Variants in MUCL3 observed in about 807,000 individuals in gnomAD.
The protein encoded by MUCL3 is mucin-like protein 3.
Under a neutral mutation model 70.2 loss-of-function variants are expected in MUCL3, and 42 were observed. That is an observed-to-expected ratio of 0.60 (90% CI 0.47 to 0.77). The LOEUF (loss-of-function observed/expected upper bound fraction) is 0.77, where lower values mean the gene tolerates loss of function less well. Ranked by LOEUF, MUCL3 falls within the 30% of genes least tolerant of loss-of-function variation. The pLI, the probability that MUCL3 is intolerant of heterozygous loss-of-function variation, is 0.00. For synonymous variants in MUCL3, 522 were observed against 647.0 expected, an observed-to-expected ratio of 0.81 and a Z score of 2.93; for missense variants, 1,429 against 1,670.0, an observed-to-expected ratio of 0.86 and a Z score of 2.52.
Position 30,940,986 on chromosome 6 carries a change from C to T in MUCL3, c.-14C>T. 6.5e-7 allele frequency: 1 copy of T among 1,548,234 alleles called. No individual in the cohort carries two copies. The highest frequency in any genetic ancestry group is 8.7e-7 in the Non-Finnish European group (1 of 1,146,960). ...CCGCAGCCCATGGTCCCCAAGCAGC[C>T]ACCCAGCTCCGACATGGCCCAGCCG... is the stretch of plus-strand genomic sequence containing the variant. On this transcript the variant is annotated 5_prime_UTR_variant, in exon 1 of 3. Coordinates refer to ENST00000462446, the MANE Select transcript of MUCL3 (RefSeq NM_080870.4). The surrounding 1 kb of genome is among the most constrained non-coding windows in gnomAD (Gnocchi z 4.4).
At chr6:30,952,878 G>T in intron 2 of MUCL3, 93 bp from the exon 3 acceptor site, 1 of 1,490,240 alleles carries the variant, frequency 6.7e-7, no homozygotes. Context: ...AGGTTTGGAT[G>T]GAATCTTGAG....
intron 1 of MUCL3, among the ~76,000 whole-genome samples, chr6:30,942,145 A>G (rs137993870): frequency 6.6e-6 from 1 of 152,342 alleles, no homozygotes; most frequent in East Asian, 1.9e-4. Context: ...GACTCAGAAA[A>G]GTGTGCGTCA....
rs756856357 is a variant in MUCL3, at chr6:30,952,048, T to C, written c.3584T>C (p.Ile1195Thr). 3.1e-6 allele frequency: 5 copies of C among 1,604,840 alleles called. No homozygotes were observed. Among genetic ancestry groups the C allele is most frequent in the African/African-American group, 2.8e-5 (2 of 71,966 alleles). Residue 1195 changes from isoleucine to threonine, a missense_variant, in exon 2 of 3, where the codon ATA becomes ACA. Coordinates refer to ENST00000462446, the MANE Select transcript of MUCL3 (RefSeq NM_080870.4). The stretch of plus-strand genomic sequence containing the variant: ...CCTACGCTATACTCAGAGAAGACCA[T>C]ATGCACCAAAGGGAAAAACACACCA... ...EKPTLYSEKTICTKGKNTPVP... is the reference protein window; with the variant it reads ...EKPTLYSEKTTCTKGKNTPVP...
rs1171250637 is a variant in MUCL3, at chr6:30,951,413, T to C, written c.2949T>C (p.Asn983=). The C allele has an allele frequency of 1.3e-6, 2 of 1,536,690 alleles. No homozygotes were observed. Among genetic ancestry groups the C allele is most frequent in the African/African-American group, 1.5e-5 (1 of 66,934 alleles). ...CATCCTCAGCAGAGCCTACAGAAAATGGAGAAAGGACCCCACTGGCCAATG... is the reference window on the plus strand; with the variant it reads ...CATCCTCAGCAGAGCCTACAGAAAACGGAGAAAGGACCCCACTGGCCAATG... ...TTPSSAEPTE[N]GERTPLANEN... is the part of the protein sequence containing the mutation. Residue 983 remains asparagine (N), a synonymous_variant, in exon 2 of 3, where the codon AAT becomes AAC. Transcript: ENST00000462446.
rs904650082 is a variant in MUCL3 at position 30,950,846 on chromosome 6, C to A, written c.2382C>A (p.Thr794=). 6.5e-7 allele frequency: 1 copy of A among 1,549,294 alleles called. No homozygotes were observed. The highest frequency in any genetic ancestry group is 1.4e-5 in the African/African-American group (1 of 71,908). ...GKRTPFANEK[T]TSSSAEPTEH... ...GGACCCCATTTGCCAATGAGAAGAC[C>A]ACATCATCCTCAGCAGAGCCTACAG... The change falls in exon 2 of 3, where the codon ACC becomes ACA. Residue 794 remains threonine (T), a synonymous_variant. Coordinates refer to ENST00000462446, the MANE Select transcript of MUCL3 (RefSeq NM_080870.4).
In MUCL3 at chr6:30,950,339, T is replaced by TA. The variant is rs1224814643; in HGVS notation, c.1876dup (p.Arg626LysfsTer7). The stretch of plus-strand genomic sequence containing the variant: ...CATCCCCGGCAGAGCCTACAGAAAA[T>TA]AGAGAAAGGACAGCCAATGAGAACA... On this transcript the variant is annotated frameshift_variant, in exon 2 of 3. Coordinates refer to ENST00000462446, the MANE Select transcript of MUCL3 (RefSeq NM_080870.4). LOFTEE classifies it high-confidence loss of function. 1 of 1,537,422 alleles carries TA rather than the reference T, an allele frequency of 6.5e-7. No individual in the cohort carries two copies. The highest frequency in any genetic ancestry group is 8.7e-7 in the Non-Finnish European group (1 of 1,144,142).
intron 1 of MUCL3, among the ~76,000 whole-genome samples, chr6:30,943,605 A>C (rs886314585): frequency 6.6e-6 from 1 of 152,248 alleles, no homozygotes; most frequent in African/African-American, 2.4e-5. Context: ...GAGGGAGCAC[A>C]GGTGCAGTCT....
rs1450384406 is a variant in MUCL3 at position 30,948,925 on chromosome 6, G to GA, written c.468dup (p.His157ThrfsTer14). The GA allele has an allele frequency of 6.3e-5, 98 of 1,549,990 alleles. No individual in the cohort carries two copies. The highest frequency in any genetic ancestry group is 7.8e-5 in the Non-Finnish European group (89 of 1,146,640). On this transcript the variant is annotated frameshift_variant, in exon 2 of 3. Coordinates refer to ENST00000462446, the MANE Select transcript of MUCL3 (RefSeq NM_080870.4). LOFTEE classifies it high-confidence loss of function. ...ACTACCACACATAAAGAATCCGCTGGAAAAAAACATATAACGCCAGCACCC... is the reference window on the plus strand; with the variant it reads ...ACTACCACACATAAAGAATCCGCTGGAAAAAAAACATATAACGCCAGCACCC...
chr6:30,943,012 C>T (rs189704737), intron 1 of MUCL3, among the ~76,000 whole-genome samples: 19 of 151,978 alleles, frequency 1.3e-4, no homozygotes, highest in Admixed American at 1.2e-3. Context: ...AGGCTGGGCT[C>T]GGGTTGTGAT....
At chr6:30,942,473 C>T (rs1478231854) in intron 1 of MUCL3, among the ~76,000 whole-genome samples, 1 of 152,148 alleles carries the variant, frequency 6.6e-6, no homozygotes, top group African/African-American at 2.4e-5. Context: ...GAGGCAGTGC[C>T]CCTTCCCTGA....
In MUCL3 at chr6:30,950,680, A is replaced by C; in HGVS notation, c.2216A>C (p.Glu739Ala). Residue 739 changes from glutamate to alanine, a missense_variant, in exon 2 of 3, where the codon GAG (glutamate) becomes GCG (alanine). Transcript: ENST00000462446. ...ANEKTTPFPAEPTENRERTAN... is the reference protein window; with the variant it reads ...ANEKTTPFPAAPTENRERTAN... ...GAGAAGACCACACCATTCCCAGCAG[A>C]GCCTACAGAAAATAGAGAAAGGACA... 2 of 1,550,394 alleles carry C rather than the reference A, an allele frequency of 1.3e-6. No homozygotes were observed. The highest frequency in any genetic ancestry group is 1.7e-6 in the Non-Finnish European group (2 of 1,146,586).
In MUCL3 at chr6:30,952,403, G is replaced by A. The variant is rs183461489; in HGVS notation, c.3939G>A (p.Gln1313=). 1.9e-6 allele frequency: 3 copies of A among 1,614,138 alleles called. No individual in the cohort carries two copies. The highest frequency in any genetic ancestry group is 2.7e-5 in the African/African-American group (2 of 75,048). The part of the protein sequence containing the change: ...DGSQKGIHAG[Q]MGENDSFPAW... ...CACAGAAAGGTATCCACGCTGGACA[G>A]ATGGGAGAGAATGATTCATTCCCTG... Residue 1313 remains glutamine (Q), a synonymous_variant, in exon 2 of 3, where the codon CAG becomes CAA. Coordinates refer to ENST00000462446, the MANE Select transcript of MUCL3 (RefSeq NM_080870.4).
At chr6:30,943,361 G>A (rs1795656052) in intron 1 of MUCL3, among the ~76,000 whole-genome samples, 1 of 152,142 alleles carries the variant, frequency 6.6e-6, no homozygotes, top group South Asian at 2.1e-4. Flanking sequence ...AGGCACAGGT[G>A]CAGTCTAGAT....
chr6:30,952,451 C>T lies in MUCL3; in HGVS notation c.3987C>T (p.Val1329=). ...CTGCATGGGCCATAGTTATTGTGGT[C>T]CTGGTGGCTGTGATTCTCCTCCTGG... The part of the protein sequence containing the change: ...SFPAWAIVIV[V]LVAVILLLVF... The change falls in exon 2 of 3, where the codon GTC becomes GTT. Residue 1329 remains valine, a synonymous_variant. Transcript: ENST00000462446. The T allele has an allele frequency of 6.2e-7, 1 of 1,611,864 alleles. No homozygotes were observed. Among genetic ancestry groups the T allele is most frequent in the South Asian group, 1.1e-5 (1 of 90,500 alleles).
chr6:30,946,068 G>A (rs1795765267), intron 1 of MUCL3: 1 of 152,350 alleles, frequency 6.6e-6, no homozygotes, highest in Admixed American at 6.5e-5. Flanking sequence ...AGTGGCCCAG[G>A]AATGCAGAGG....
intron 1 of MUCL3, among the ~76,000 whole-genome samples, 158 bp downstream of exon 1, chr6:30,941,239 A>G (rs1354478972): frequency 2.0e-5 from 3 of 152,206 alleles, no homozygotes; most frequent in Admixed American, 6.5e-5. Flanking sequence ...GCTAAGGGAC[A>G]TGTAGTAGGA....
At position 30,950,422 on chromosome 6, in the gene MUCL3, C is replaced by T. The variant is rs1380733264; in HGVS notation, c.1958C>T (p.Thr653Ile). ...ENREMTANEK[T>I]TLFPAEPTEN... is the part of the protein sequence containing the mutation. ...AGAGAAATGACAGCCAACGAGAAGA[C>T]CACACTATTCCCAGCAGAGCCTACA... Residue 653 changes from threonine to isoleucine, a missense_variant, in exon 2 of 3, where the codon ACC becomes ATC. Coordinates refer to ENST00000462446, the MANE Select transcript of MUCL3 (RefSeq NM_080870.4). 2 of 1,549,942 alleles carry T rather than the reference C, an allele frequency of 1.3e-6. No individual in the cohort carries two copies. Among genetic ancestry groups the T allele is most frequent in the African/African-American group, 2.8e-5 (2 of 72,442 alleles).
rs926354769 is a variant in MUCL3, at chr6:30,951,269, C to T, written c.2805C>T (p.Thr935=). Residue 935 remains threonine (T), a synonymous_variant, in exon 2 of 3, where the codon ACC becomes ACT. Coordinates refer to ENST00000462446, the MANE Select transcript of MUCL3 (RefSeq NM_080870.4). The part of the protein sequence containing the change: ...GERTPLANEI[T]TPSRAEPTEH... ...GGACCCCACTGGCCAATGAGATCAC[C>T]ACACCATCCCGAGCAGAGCCTACAG... The T allele has an allele frequency of 1.3e-6, 2 of 1,550,602 alleles. No individual in the cohort carries two copies. The highest frequency in any genetic ancestry group is 1.7e-6 in the Non-Finnish European group (2 of 1,146,832).
rs1760536825 is a variant in MUCL3 at position 30,949,910 on chromosome 6, T to A, written c.1446T>A (p.Asn482Lys). The A allele has an allele frequency of 3.2e-6, 5 of 1,538,608 alleles. No individual in the cohort carries two copies. The South Asian group carries it at 4.8e-5, about 15-fold the overall frequency. ...TTLSPVEPTE[N>K]RETTANEKTT... ...TATCCCCAGTAGAGCCTACAGAAAA[T>A]AGAGAAACAACAGCCAATGAGAAGA... is the stretch of plus-strand genomic sequence containing the variant. Residue 482 changes from asparagine (N) to lysine (K), a missense_variant, in exon 2 of 3, where the codon AAT (asparagine) becomes AAA (lysine). Asn to Lys is a moderately conservative substitution (Grantham distance 94). Coordinates refer to ENST00000462446, the MANE Select transcript of MUCL3 (RefSeq NM_080870.4).
Sources: gnomAD v4.1 joint callset for allele counts (sites outside exome capture counted in the v4.1 genomes callset) on GRCh38, gnomAD v4.1.1 for gene constraint, Gnocchi (gnomAD v3.1) non-coding constraint, MANE v1.5 for transcripts, NCBI Gene and HGNC (gene_info 2026-07-23, HGNC 2026-07-21) for gene names.